MTSS1: variants seen among roughly 807,000 people sequenced by gnomAD.
The protein encoded by MTSS1 is protein MTSS 1.
Under a neutral mutation model 79.0 loss-of-function variants are expected in MTSS1, and 18 were observed. That is an observed-to-expected ratio of 0.23 (90% confidence interval 0.16 to 0.34). MTSS1 has a LOEUF of 0.34. Ranked by LOEUF, MTSS1 falls within the 10% of genes least tolerant of loss-of-function variation. The pLI is 1.00. For synonymous variants in MTSS1, 341 were observed against 368.6 expected, an observed-to-expected ratio of 0.93 and a Z score of 0.86; for missense variants, 815 against 986.2, an observed-to-expected ratio of 0.83 and a Z score of 2.33.
chr8:124,647,994 G>T (rs1295400452), intron 3 of MTSS1, among the ~76,000 whole-genome samples: 2 of 152,160 alleles, frequency 1.3e-5, no homozygotes, highest in Non-Finnish European at 2.9e-5. Context: ...GAGTAGCAAG[G>T]GGAATACAGT....
chr8:124,686,546 A>C (rs1448314761), intron 3 of MTSS1, among the ~76,000 whole-genome samples: 1 of 152,174 alleles, frequency 6.6e-6, no homozygotes, highest in East Asian at 1.9e-4. Context: ...CAATGAACCA[A>C]GCTAGCTACA....
intron 11 of MTSS1, among the ~76,000 whole-genome samples, chr8:124,556,865 G>A (rs1823939050): frequency 1.3e-5 from 2 of 152,344 alleles, no homozygotes; most frequent in Admixed American, 1.3e-4. Flanking sequence ...AGCCTCAAAG[G>A]GCATGGCAGG....
At chr8:124,700,036 G>T (rs1170309822) in intron 2 of MTSS1, among the ~76,000 whole-genome samples, 1 of 152,118 alleles carries the variant, frequency 6.6e-6, no homozygotes, top group African/African-American at 2.4e-5. Flanking sequence ...CTACTTGGGA[G>T]GCTGAGGCAG....
intron 3 of MTSS1, among the ~76,000 whole-genome samples, chr8:124,619,056 A>G (rs1454266200): frequency 6.6e-6 from 1 of 152,252 alleles, no homozygotes; most frequent in African/African-American, 2.4e-5. Context: ...CCAGAATTTC[A>G]TGGAGTTGAC....
intron 3 of MTSS1, among the ~76,000 whole-genome samples, chr8:124,620,209 G>A (rs566333071): frequency 3.9e-5 from 6 of 152,224 alleles, no homozygotes; most frequent in African/African-American, 1.4e-4. Flanking sequence ...GCCTCTCAAA[G>A]TGCTGGGATT....
chr8:124,699,456 C>G, intron 3 of MTSS1, 70 bp downstream of exon 3: 2 of 1,397,520 alleles, frequency 1.4e-6, no homozygotes, highest in Non-Finnish European at 2.0e-6. Flanking sequence ...TCTTCTTGTG[C>G]AGCCACCCAA....
rs1029772896 is a variant in MTSS1, at chr8:124,727,410, C to A, written c.72+474G>T. Among the ~76,000 whole-genome samples the A allele has an allele frequency of 2.0e-4, 31 of 152,156 alleles. No homozygotes were observed. Among genetic ancestry groups the A allele is most frequent in the African/African-American group, 6.3e-4 (26 of 41,442 alleles). ...GACAGCCAAGGAGGGACTGGCTTTCCCTCTCAGTCTCCTAGGCTAGGGGAC... is the reference window on the plus strand; with the variant it reads ...GACAGCCAAGGAGGGACTGGCTTTCACTCTCAGTCTCCTAGGCTAGGGGAC... On this transcript the variant is annotated intron_variant, in intron 1 of 13. Transcript: ENST00000518547. The surrounding 1 kb of genome is among the most constrained non-coding windows in gnomAD (Gnocchi z 4.7).
chr8:124,694,115 AT>A (rs751082253), intron 3 of MTSS1, among the ~76,000 whole-genome samples: 18 of 152,064 alleles, frequency 1.2e-4, no homozygotes, highest in African/African-American at 3.1e-4. Context: ...TGCTACACAG[AT>A]TTTTTTTAAT....
At chr8:124,692,406 T>C (rs4568603) in intron 3 of MTSS1, among the ~76,000 whole-genome samples, 47 of 151,776 alleles carry the variant, frequency 3.1e-4, no homozygotes, top group Admixed American at 7.2e-4. Context: ...TAGGTAGAAA[T>C]AGTAAGACTC....
intron 6 of MTSS1, among the ~76,000 whole-genome samples, chr8:124,570,497 A>G (rs1827518986): frequency 6.6e-6 from 1 of 152,164 alleles, no homozygotes; most frequent in South Asian, 2.1e-4. Flanking sequence ...TAATTGTTCT[A>G]TTATTATTGT....
At position 124,553,670 on chromosome 8, in the gene MTSS1, A is replaced by C; in HGVS notation, c.1590T>G (p.Ser530=). 6.2e-7 allele frequency: 1 copy of C among 1,612,518 alleles called. No homozygotes were observed. The highest frequency in any genetic ancestry group is 8.5e-7 in the Non-Finnish European group (1 of 1,178,992). Residue 530 remains serine (S), a synonymous_variant, in exon 14 of 14, where the codon TCT becomes TCG. Transcript: ENST00000518547. This position sits in a 1 kb window ranked among gnomAD's most constrained non-coding sequence, Gnocchi z 6.0. ...GATCTGCCTCCTGGTCACCACTTAC[A>C]GAGAAATAATCATAATCTGAAACTG... The part of the protein sequence containing the change: ...PSQVSDYDYF[S]VSGDQEADQQ...
intron 3 of MTSS1, among the ~76,000 whole-genome samples, chr8:124,688,626 A>G (rs1187099635): frequency 6.6e-6 from 1 of 152,226 alleles, no homozygotes; most frequent in Admixed American, 6.5e-5. Context: ...TGGAAACCAG[A>G]TGACCACGGG....
At chr8:124,665,314 G>A (rs1402370888) in intron 3 of MTSS1, among the ~76,000 whole-genome samples, 2 of 152,082 alleles carry the variant, frequency 1.3e-5, no homozygotes, top group African/African-American at 4.8e-5. Flanking sequence ...TTTTCTCTTC[G>A]ATTCATTCCG....
chr8:124,636,862 G>T (rs1817095581), intron 3 of MTSS1, among the ~76,000 whole-genome samples: 2 of 152,206 alleles, frequency 1.3e-5, no homozygotes, highest in South Asian at 4.1e-4. Flanking sequence ...CCAACAGTCA[G>T]CATTTGCTGC....
intron 2 of MTSS1, among the ~76,000 whole-genome samples, chr8:124,702,713 C>T (rs1287203477): frequency 6.6e-6 from 1 of 152,122 alleles, no homozygotes; most frequent in Non-Finnish European, 1.5e-5. Context: ...GGCTCTTTAT[C>T]CTGGAAAACC....
intron 3 of MTSS1, among the ~76,000 whole-genome samples, chr8:124,623,785 C>T (rs906435247): frequency 7.2e-5 from 11 of 152,024 alleles, no homozygotes; most frequent in African/African-American, 2.4e-4. Flanking sequence ...GACTACAGGC[C>T]CACACCACCA....
At chr8:124,557,993 A>T in intron 10 of MTSS1, 118 bp from the exon 11 acceptor site, 1 of 789,480 alleles carries the variant, frequency 1.3e-6, no homozygotes, top group Non-Finnish European at 2.0e-6. Flanking sequence ...ATTTATAAAT[A>T]AAACAAACAT....
At chr8:124,645,895 T>C (rs2134078942) in intron 3 of MTSS1, among the ~76,000 whole-genome samples, 1 of 152,328 alleles carries the variant, frequency 6.6e-6, no homozygotes, top group East Asian at 1.9e-4. Flanking sequence ...CGAAGGTCTC[T>C]CACCCGATTT....
At chr8:124,640,656 G>C (rs1213655089) in intron 3 of MTSS1, among the ~76,000 whole-genome samples, 1 of 152,136 alleles carries the variant, frequency 6.6e-6, no homozygotes, top group African/African-American at 2.4e-5. Flanking sequence ...CTATTCTCTT[G>C]CCTCAGCCTC....
Sources: allele counts gnomAD v4.1 joint callset (sites outside exome capture counted in the v4.1 genomes callset), GRCh38; gene constraint gnomAD v4.1.1; non-coding constraint Gnocchi (gnomAD v3.1); transcripts MANE v1.5; gene names NCBI Gene and HGNC (gene_info 2026-07-23, HGNC 2026-07-21).